Variants in MGAT5 observed in about 807,000 individuals in gnomAD.
The protein encoded by MGAT5 is alpha-1,6-mannosylglycoprotein 6-beta-N-acetylglucosaminyltransferase A.
In MGAT5, 30 loss-of-function variants were observed where a neutral mutation model predicts 94.3. The ratio of observed to expected loss-of-function variants is 0.32; its 90% CI spans 0.24 to 0.43. The LOEUF is 0.43. MGAT5 is among the 20% of genes least tolerant of loss of function. MGAT5 has a pLI of 1.00. For synonymous variants in MGAT5, 310 were observed against 322.9 expected (o/e 0.96, Z 0.43); for missense variants, 691 against 905.5 (o/e 0.76, Z 3.04).
chr2:134,237,148 T>TGCGCGCGC (rs145166543), intron 1 of MGAT5, among the ~76,000 whole-genome samples: 111 of 140,834 alleles, frequency 7.9e-4, no homozygotes, highest in African/African-American at 1.5e-3. Flanking sequence ...TGTGTGTGTG[T>TGCGCGCGC]GCGCGTGTGT....
At chr2:134,389,506 C>T (rs952032402) in intron 10 of MGAT5, among the ~76,000 whole-genome samples, 20 of 152,182 alleles carry the variant, frequency 1.3e-4, no homozygotes, top group Non-Finnish European at 2.9e-5. Context: ...TGTGCTACTC[C>T]ATATGCTTTC....
At chr2:134,287,286 A>G (rs1199345939) in intron 2 of MGAT5, among the ~76,000 whole-genome samples, 1 of 152,198 alleles carries the variant, frequency 6.6e-6, no homozygotes, top group African/African-American at 2.4e-5. Context: ...AGGTCTTTTA[A>G]AAAACAAAAA....
At chr2:134,148,066 G>A (rs57867728) in intron 1 of MGAT5, among the ~76,000 whole-genome samples, 9,725 of 152,202 alleles carry the variant, frequency 0.064, 734 homozygotes, top group African/African-American at 0.18. Context: ...CACTCATACC[G>A]TATCACAATG....
At chr2:134,350,718 G>T (rs1442541521) in intron 9 of MGAT5, among the ~76,000 whole-genome samples, 7 of 152,264 alleles carry the variant, frequency 4.6e-5, no homozygotes. Context: ...GATAGTGTTA[G>T]TACCAAAAAC....
chr2:134,386,315 A>AG lies in MGAT5; in HGVS notation c.1381-16673_1381-16672insG, dbSNP rs151108420. On this transcript the variant is annotated intron_variant, in intron 10 of 15. Coordinates refer to ENST00000281923, the MANE Select transcript of MGAT5 (RefSeq NM_002410.5). ...TAAACAAGAGACTACATAGAAAAAA[A>AG]TCAAATGTTGGCATTAAAATTTCCG... 1.9e-3 allele frequency among the ~76,000 whole-genome samples: 286 copies of AG among 152,380 alleles called. 1 individual carries two copies. The highest frequency in any genetic ancestry group is 6.5e-3 in the African/African-American group (269 of 41,604).
chr2:134,154,567 C>T (rs1050659003), intron 1 of MGAT5, among the ~76,000 whole-genome samples: 40 of 152,186 alleles, frequency 2.6e-4, no homozygotes, highest in Admixed American at 5.9e-4. Flanking sequence ...TTTTGATTCT[C>T]AGGCTGTGTA....
intron 5 of MGAT5, among the ~76,000 whole-genome samples, chr2:134,336,930 C>G (rs78925255): frequency 6.6e-6 from 1 of 152,122 alleles, no homozygotes; most frequent in African/African-American, 2.4e-5. Flanking sequence ...GACCATAGAT[C>G]ACTAAACTTC....
At chr2:134,140,791 A>G (rs992163024) in intron 1 of MGAT5, among the ~76,000 whole-genome samples, 1 of 152,224 alleles carries the variant, frequency 6.6e-6, no homozygotes, top group African/African-American at 2.4e-5. Context: ...CTAGCTGGGC[A>G]CTACTGTTCT....
intron 4 of MGAT5, among the ~76,000 whole-genome samples, chr2:134,334,180 A>T (rs1344577819): frequency 1.3e-5 from 2 of 152,144 alleles, no homozygotes; most frequent in Non-Finnish European, 2.9e-5. Flanking sequence ...AAGAACTAAG[A>T]TAAATGATCA....
intron 1 of MGAT5, among the ~76,000 whole-genome samples, chr2:134,140,255 G>A (rs1686598135): frequency 6.6e-6 from 1 of 152,238 alleles, no homozygotes; most frequent in Admixed American, 6.5e-5. Flanking sequence ...AGAAGGCAAA[G>A]CCAACAGAGA....
chr2:134,264,017 G>GTTTTTTTTTTTTT (rs763608726), intron 1 of MGAT5, among the ~76,000 whole-genome samples: 2 of 108,938 alleles, frequency 1.8e-5, no homozygotes, highest in African/African-American at 7.7e-5. Flanking sequence ...ATGCCATTAG[G>GTTTTTTTTTTTTT]TTTTTTTTTT....
chr2:134,137,503 G>A (rs1391440499), intron 1 of MGAT5, among the ~76,000 whole-genome samples: 1 of 152,210 alleles, frequency 6.6e-6, no homozygotes, highest in Non-Finnish European at 1.5e-5. Flanking sequence ...TCGTCAGGCT[G>A]CAGACTTGAA....
intron 1 of MGAT5, among the ~76,000 whole-genome samples, chr2:134,149,784 C>T (rs539844057): frequency 6.6e-6 from 1 of 152,300 alleles, no homozygotes; most frequent in African/African-American, 2.4e-5. Flanking sequence ...CACCAAGGCA[C>T]TAACAGCAGT....
At chr2:134,138,615 C>T (rs1355715067) in intron 1 of MGAT5, among the ~76,000 whole-genome samples, 2 of 152,206 alleles carry the variant, frequency 1.3e-5, no homozygotes, top group African/African-American at 4.8e-5. Flanking sequence ...ACCTTTTGGG[C>T]ATGGTAGCTG....
chr2:134,247,553 CT>C (rs1559009777), intron 1 of MGAT5, among the ~76,000 whole-genome samples: 2 of 152,016 alleles, frequency 1.3e-5, no homozygotes, highest in Admixed American at 1.3e-4. Flanking sequence ...GCATGTCAAA[CT>C]TTTTTTGAAA....
At chr2:134,422,269 C>T (rs1684345821) in intron 12 of MGAT5, among the ~76,000 whole-genome samples, 1 of 152,184 alleles carries the variant, frequency 6.6e-6, no homozygotes, top group Non-Finnish European at 1.5e-5. Context: ...ACAAAAACTG[C>T]CATTCCTTGT....
intron 14 of MGAT5, among the ~76,000 whole-genome samples, chr2:134,429,773 G>A (rs1684785018): frequency 6.6e-6 from 1 of 152,198 alleles, no homozygotes; most frequent in African/African-American, 2.4e-5. Context: ...ACACCAGAAT[G>A]ACAGTATCAT....
chr2:134,212,683 G>A (rs1054207968), intron 1 of MGAT5, among the ~76,000 whole-genome samples: 1 of 152,236 alleles, frequency 6.6e-6, no homozygotes, highest in Non-Finnish European at 1.5e-5. Flanking sequence ...ATTTGGGACA[G>A]CTCCAACTTC....
intron 1 of MGAT5, among the ~76,000 whole-genome samples, chr2:134,128,342 T>C (rs1685952258): frequency 6.6e-6 from 1 of 152,124 alleles, no homozygotes. Flanking sequence ...TTAAAGGAAG[T>C]CTGCAGAAAG....
Sources: allele counts gnomAD v4.1 joint callset (sites outside exome capture counted in the v4.1 genomes callset), GRCh38; gene constraint gnomAD v4.1.1; transcripts MANE v1.5; gene names NCBI Gene and HGNC (gene_info 2026-07-23, HGNC 2026-07-21).